PARD3: variants seen among roughly 807,000 people sequenced by gnomAD.
PARD3 encodes the protein par-3 family cell polarity regulator, also known as partitioning defective 3 homolog.
Under a neutral mutation model 155.4 loss-of-function variants are expected in PARD3, and 75 were observed. The observed-to-expected ratio is 0.48, with a 90% CI of 0.40 to 0.58. The LOEUF (loss-of-function observed/expected upper bound fraction) is 0.58. Ranked by LOEUF, PARD3 falls within the 20% of genes least tolerant of loss-of-function variation. The pLI is 0.00. For missense variants in PARD3, 1,642 were observed against 1,721.7 expected, an observed-to-expected ratio of 0.95 and a Z score of 0.82; for synonymous variants, 576 against 610.5, an observed-to-expected ratio of 0.94 and a Z score of 0.83.
intron 4 of PARD3, among the ~76,000 whole-genome samples, chr10:34,457,129 A>C (rs2077380571): frequency 6.6e-6 from 1 of 152,222 alleles, no homozygotes; most frequent in Admixed American, 6.5e-5. Flanking sequence ...CGGTCTTATC[A>C]AACAAGAAAA....
At chr10:34,142,376 T>A (rs533797194) in intron 22 of PARD3, among the ~76,000 whole-genome samples, 3 of 144,358 alleles carry the variant, frequency 2.1e-5, no homozygotes, top group African/African-American at 5.1e-5. Context: ...ACCCCATCTC[T>A]AAAAAAAAAA....
chr10:34,359,788 C>T (rs939193843), intron 13 of PARD3, among the ~76,000 whole-genome samples: 1 of 152,090 alleles, frequency 6.6e-6, no homozygotes, highest in Non-Finnish European at 1.5e-5. Flanking sequence ...TACTATACGC[C>T]CATTCTGTGA....
intron 1 of PARD3, among the ~76,000 whole-genome samples, chr10:34,766,256 G>T (rs1838069760): frequency 6.6e-6 from 1 of 152,170 alleles, no homozygotes; most frequent in South Asian, 2.1e-4. Flanking sequence ...AATCCTGTAT[G>T]GGGGACGTGG....
chr10:34,746,115 GA>G lies in PARD3; in HGVS notation c.121-49697del, dbSNP rs1024431631. Among the ~76,000 whole-genome samples, 62 of 150,208 alleles carry G rather than the reference GA, an allele frequency of 4.1e-4. 2 individuals carry two copies. Among genetic ancestry groups the G allele is most frequent in the African/African-American group, 1.3e-3 (55 of 40,996 alleles). On this transcript the variant is annotated intron_variant, in intron 1 of 24. Transcript: ENST00000374788. ...AGACTCCATCTCAAAAAACAAAAAA[GA>G]AAAAAAAATTAAGAAACAAAGAAGC... is the stretch of plus-strand genomic sequence containing the variant.
chr10:34,727,878 C>CCACACACACACA (rs61342514), intron 1 of PARD3, among the ~76,000 whole-genome samples: 64 of 144,722 alleles, frequency 4.4e-4, no homozygotes, highest in African/African-American at 1.2e-3. Context: ...CCTCCCTCCG[C>CCACACACACACA]CACACACACA....
At position 34,595,016 on chromosome 10, in the gene PARD3, T is replaced by C. The variant is rs189906101; in HGVS notation, c.223-77857A>G. 1.4e-4 allele frequency among the ~76,000 whole-genome samples: 21 copies of C among 152,250 alleles called. No individual in the cohort carries two copies. The South Asian group carries it at 2.7e-3, about 20-fold the overall frequency. ...CACACAGGACAGAGCTCAGCTACAG[T>C]AGACATGTAGCAAAGGACTGTTATA... On this transcript the variant is annotated intron_variant, in intron 2 of 24. Transcript: ENST00000374788.
At chr10:34,647,543 G>C (rs1169749139) in intron 2 of PARD3, among the ~76,000 whole-genome samples, 1 of 152,160 alleles carries the variant, frequency 6.6e-6, no homozygotes. Flanking sequence ...ATCTGTCACA[G>C]TTTATATTCC....
chr10:34,652,497 T>C lies in PARD3; in HGVS notation c.222+43821A>G, dbSNP rs1054053402. 3.3e-5 allele frequency among the ~76,000 whole-genome samples: 5 copies of C among 152,166 alleles called. No individual in the cohort carries two copies. The South Asian group carries it at 8.3e-4, about 25-fold the overall frequency. The stretch of plus-strand genomic sequence containing the variant: ...TTGAGAAGTTTGCTGAAGGACCACT[T>C]AGATGGTGAAGCCAGCAGGGTAGAG... On this transcript the variant is annotated intron_variant, in intron 2 of 24. Transcript: ENST00000374788.
intron 2 of PARD3, among the ~76,000 whole-genome samples, chr10:34,523,897 T>G (rs1354744149): frequency 6.6e-6 from 1 of 152,218 alleles, no homozygotes; most frequent in African/African-American, 2.4e-5. Context: ...ATAATTAGGA[T>G]CATACCTACC....
intron 2 of PARD3, among the ~76,000 whole-genome samples, chr10:34,594,530 G>C (rs954820632): frequency 6.6e-6 from 1 of 151,476 alleles, no homozygotes; most frequent in Non-Finnish European, 1.5e-5. Context: ...CTCAAGAATG[G>C]AGTAAGTGAT....
intron 1 of PARD3, among the ~76,000 whole-genome samples, chr10:34,718,451 G>A (rs560158339): frequency 1.5e-4 from 23 of 151,898 alleles, no homozygotes; most frequent in Non-Finnish European, 3.4e-4. Flanking sequence ...CTTGAACCCA[G>A]GAGTTCAAGA....
chr10:34,359,572 C>T (rs549100408), intron 13 of PARD3, among the ~76,000 whole-genome samples: 1 of 152,256 alleles, frequency 6.6e-6, no homozygotes, highest in Non-Finnish European at 1.5e-5. Flanking sequence ...AAATAGCATA[C>T]TAATTCAAAG....
At chr10:34,446,595 A>G (rs1444100175) in intron 5 of PARD3, among the ~76,000 whole-genome samples, 1 of 152,244 alleles carries the variant, frequency 6.6e-6, no homozygotes, top group Non-Finnish European at 1.5e-5. Flanking sequence ...TTTATTTCAA[A>G]GTAATAATAA....
intron 1 of PARD3, among the ~76,000 whole-genome samples, chr10:34,698,844 G>C (rs1005676846): frequency 6.6e-6 from 1 of 152,160 alleles, no homozygotes; most frequent in Non-Finnish European, 1.5e-5. Flanking sequence ...TTACCTTCCG[G>C]TTATTATACC....
intron 24 of PARD3, among the ~76,000 whole-genome samples, chr10:34,112,402 C>A (rs1946431813): frequency 1.3e-5 from 2 of 152,250 alleles, no homozygotes; most frequent in African/African-American, 4.8e-5. Flanking sequence ...TTTGAAACAT[C>A]TTTAATTTAC....
chr10:34,572,905 T>C (rs2086547298), intron 2 of PARD3, among the ~76,000 whole-genome samples: 1 of 152,148 alleles, frequency 6.6e-6, no homozygotes, highest in Admixed American at 6.5e-5. Flanking sequence ...TAAAATCCAT[T>C]TCGGTGGCAG....
intron 1 of PARD3, among the ~76,000 whole-genome samples, chr10:34,724,463 T>C (rs1353777978): frequency 6.6e-6 from 1 of 152,226 alleles, no homozygotes; most frequent in African/African-American, 2.4e-5. Context: ...AACTTGCTGG[T>C]AAATTTCTAA....
At chr10:34,500,670 G>A (rs2080631867) in intron 3 of PARD3, among the ~76,000 whole-genome samples, 1 of 152,038 alleles carries the variant, frequency 6.6e-6, no homozygotes, top group Admixed American at 6.6e-5. Context: ...TGAACCCAGG[G>A]CATGGAGGCT....
At chr10:34,736,330 C>CTTT (rs564413627) in intron 1 of PARD3, among the ~76,000 whole-genome samples, 4,489 of 128,376 alleles carry the variant, frequency 0.035, 311 homozygotes, top group African/African-American at 0.12. Context: ...GCGCCTGGCC[C>CTTT]TTTTTTTTTT....
Sources: allele counts gnomAD v4.1 joint callset (sites outside exome capture counted in the v4.1 genomes callset), GRCh38; gene constraint gnomAD v4.1.1; transcripts MANE v1.5; gene names NCBI Gene and HGNC (gene_info 2026-07-23, HGNC 2026-07-21).